STYXL1: variants seen among roughly 807,000 people sequenced by gnomAD.
STYXL1 encodes serine/threonine/tyrosine-interacting-like protein 1.
In STYXL1, 32 loss-of-function variants were observed where a neutral mutation model predicts 36.4. The ratio of observed to expected loss-of-function variants is 0.88; its 90% CI spans 0.66 to 1.18. The LOEUF (loss-of-function observed/expected upper bound fraction) is 1.18. Ranked by LOEUF, STYXL1 falls within the 50% of genes most tolerant of loss-of-function variation. The pLI, the probability that STYXL1 is intolerant of heterozygous loss-of-function variation, is 0.00. For missense variants in STYXL1, 354 were observed against 394.1 expected, an observed-to-expected ratio of 0.90 and a Z score of 0.86; for synonymous variants, 133 against 144.1, an observed-to-expected ratio of 0.92 and a Z score of 0.55.
intron 5 of STYXL1, among the ~76,000 whole-genome samples, chr7:76,011,488 TCTATA>T (rs1792547240): frequency 6.6e-6 from 1 of 152,196 alleles, no homozygotes; most frequent in African/African-American, 2.4e-5. Context: ...GCCCAGTCAT[TCTATA>T]CTATGATTTC....
intron 8 of STYXL1, chr7:76,000,627 G>C (rs1453058699): frequency 1.8e-6 from 1 of 569,392 alleles, no homozygotes; most frequent in African/African-American, 1.9e-5. Context: ...ACAGGTGGAC[G>C]GCCTGACAGC....
At chr7:76,031,064 G>A (rs1795272373) in intron 1 of STYXL1, among the ~76,000 whole-genome samples, 1 of 151,820 alleles carries the variant, frequency 6.6e-6, no homozygotes, top group Non-Finnish European at 1.5e-5. Flanking sequence ...AGGGGGCTGA[G>A]GTAGGAGAGT....
intron 8 of STYXL1, among the ~76,000 whole-genome samples, chr7:75,998,141 A>T (rs1247064074): frequency 6.6e-6 from 1 of 152,188 alleles, no homozygotes; most frequent in Non-Finnish European, 1.5e-5. Context: ...AATATTTAAG[A>T]AGAACAAAGT....
intron 8 of STYXL1, chr7:75,999,063 G>A (rs1245690453): frequency 4.5e-5 from 7 of 156,072 alleles, no homozygotes; most frequent in South Asian, 1.7e-4. Context: ...GCATGAGCCC[G>A]GGAGGCAGAG....
At chr7:76,020,474 G>T (rs1482963621) in intron 4 of STYXL1, among the ~76,000 whole-genome samples, 2 of 152,120 alleles carry the variant, frequency 1.3e-5, no homozygotes, top group Non-Finnish European at 2.9e-5. Flanking sequence ...GAGCACATTG[G>T]AACTGACCAC....
At chr7:76,000,830 G>A (rs549400547) in intron 8 of STYXL1, 60 bp downstream of exon 8, 781 of 1,483,542 alleles carry the variant, frequency 5.3e-4, no homozygotes, top group Non-Finnish European at 6.6e-4. Flanking sequence ...CCCAGGTTGC[G>A]CTCTGACCTC....
Position 75,998,975 on chromosome 7 carries a change from G to C in STYXL1, c.810+1915C>G, listed in dbSNP as rs150083077. 346 of 152,482 alleles carry C rather than the reference G, an allele frequency of 2.3e-3. 2 individuals are homozygous for C. The highest frequency in any genetic ancestry group is 3.9e-3 in the Non-Finnish European group (268 of 68,140). The allele number at this position is 152,482 out of a possible 1,614,324, so 9.4% of individuals were successfully genotyped here. ...AAGAAGAAACAGACAATCTGAATAGGCCTACATATATTAAAGAAATTGAGT... is the reference window on the plus strand; with the variant it reads ...AAGAAGAAACAGACAATCTGAATAGCCCTACATATATTAAAGAAATTGAGT... On this transcript the variant is annotated intron_variant, in intron 8 of 8. Coordinates refer to ENST00000359697, the MANE Select transcript of STYXL1 (RefSeq NM_001317785.2).
chr7:76,012,706 T>C (rs1441644737), intron 5 of STYXL1, among the ~76,000 whole-genome samples: 1 of 151,898 alleles, frequency 6.6e-6, no homozygotes. Context: ...CATTTATTGA[T>C]TTTTTTGTAG....
chr7:76,033,456 T>C (rs1795593492), intron 1 of STYXL1, among the ~76,000 whole-genome samples: 1 of 152,108 alleles, frequency 6.6e-6, no homozygotes, highest in African/African-American at 2.4e-5. Context: ...AGCTATCTTT[T>C]AGCAAGAGGG....
At chr7:76,043,497 C>T (rs1323880412) in intron 1 of STYXL1, among the ~76,000 whole-genome samples, 1 of 151,816 alleles carries the variant, frequency 6.6e-6, no homozygotes, top group Non-Finnish European at 1.5e-5. Flanking sequence ...GAAAATGGAC[C>T]AATGGCATGT....
intron 8 of STYXL1, among the ~76,000 whole-genome samples, chr7:76,000,281 A>G (rs1455195819): frequency 1.3e-5 from 2 of 150,980 alleles, no homozygotes; most frequent in Non-Finnish European, 2.9e-5. Context: ...CAAAGTGCAC[A>G]TGGGGGCAAC....
At chr7:76,009,777 C>T (rs1454353698) in intron 5 of STYXL1, among the ~76,000 whole-genome samples, 1 of 152,178 alleles carries the variant, frequency 6.6e-6, no homozygotes, top group Non-Finnish European at 1.5e-5. Context: ...CTCCTGGACT[C>T]AAGTGATCCT....
intron 3 of STYXL1, among the ~76,000 whole-genome samples, chr7:76,024,177 C>A (rs534089728): frequency 1.3e-5 from 2 of 152,212 alleles, no homozygotes; most frequent in African/African-American, 4.8e-5. Context: ...CGTGCCTGGC[C>A]AGAATATTAC....
intron 8 of STYXL1, among the ~76,000 whole-genome samples, chr7:75,999,826 G>A (rs979575555): frequency 3.3e-5 from 5 of 152,092 alleles, no homozygotes; most frequent in South Asian, 4.1e-4. Context: ...GATTACAGGC[G>A]TGAGCCACCG....
rs2302435 is a variant in STYXL1, at chr7:76,047,669, G to A, written c.-12C>T. 0.55 allele frequency: 98,002 copies of A among 178,444 alleles called. 30,215 individuals carry two copies. Among genetic ancestry groups the A allele is most frequent in the Non-Finnish European group, 0.7 (57,540 of 82,272 alleles). The allele number at this position is 178,444 out of a possible 1,614,324, so 11.1% of individuals were successfully genotyped here. The stretch of plus-strand genomic sequence containing the variant: ...CAGCCTCCCTGACCCTACCTTTCCG[G>A]AGCTCAGAGTCCCCTCTGGCCTCCA... On this transcript the variant is annotated 5_prime_UTR_variant, in exon 1 of 9. Coordinates refer to ENST00000359697, the MANE Select transcript of STYXL1 (RefSeq NM_001317785.2).
chr7:76,025,560 C>T (rs1182908304), intron 3 of STYXL1, among the ~76,000 whole-genome samples: 5 of 151,688 alleles, frequency 3.3e-5, no homozygotes, highest in African/African-American at 7.3e-5. Flanking sequence ...AAGGTCAAGG[C>T]GGGTGGATCA....
At position 76,003,988 on chromosome 7, in the gene STYXL1, C is replaced by T. The variant is rs879975251; in HGVS notation, c.600-133G>A. Reference sequence around the variant, plus strand: ...TGTAAGGGGGAATGTGCACAGGTAACTCAACCTCTCCTGGAAAAAAACATC... The same window carrying T: ...TGTAAGGGGGAATGTGCACAGGTAATTCAACCTCTCCTGGAAAAAAACATC... On this transcript the variant is annotated intron_variant, in intron 6 of 8. Coordinates refer to ENST00000359697, the MANE Select transcript of STYXL1 (RefSeq NM_001317785.2). The T allele has an allele frequency of 3.2e-5, 23 of 713,640 alleles. No homozygotes were observed. The South Asian group carries it at 3.9e-4, about 12-fold the overall frequency. 44.2% of individuals were successfully genotyped at this position (713,640 alleles called of 1,614,324 possible). A position where few individuals can be genotyped will look rare whatever the true frequency, so the allele number is the denominator to read the frequency against.
Position 76,047,961 on chromosome 7 carries a change from C to G in STYXL1, c.-304G>C, listed in dbSNP as rs536880576. ...GAACCCAGCCAAACACCGGGGTTGC[C>G]AGGATGGTCCCACAGCTTTCCTTTC... On this transcript the variant is annotated 5_prime_UTR_variant, in exon 1 of 9. Coordinates refer to ENST00000359697, the MANE Select transcript of STYXL1 (RefSeq NM_001317785.2). The G allele has an allele frequency of 6.8e-7, 1 of 1,460,474 alleles. No homozygotes were observed. The highest frequency in any genetic ancestry group is 2.5e-5 in the East Asian group (1 of 39,576). The allele number at this position is 1,460,474 out of a possible 1,614,324, so 90.5% of individuals were successfully genotyped here.
At chr7:76,013,324 T>TCTCA (rs1792820242) in intron 5 of STYXL1, among the ~76,000 whole-genome samples, 1 of 102,266 alleles carries the variant, frequency 9.8e-6, no homozygotes, top group African/African-American at 3.9e-5. Flanking sequence ...AGACTCCGTC[T>TCTCA]CAAAAAAAAA....
Sources: allele counts gnomAD v4.1 joint callset (sites outside exome capture counted in the v4.1 genomes callset), GRCh38; gene constraint gnomAD v4.1.1; transcripts MANE v1.5; gene names NCBI Gene and HGNC (gene_info 2026-07-23, HGNC 2026-07-21).